Variants in DNAH7 observed in about 807,000 individuals in gnomAD.
DNAH7 encodes the protein dynein axonemal heavy chain 7.
A neutral mutation model predicts 444.6 loss-of-function variants in DNAH7; 397 were observed. That is an observed-to-expected ratio of 0.89 (90% CI 0.82 to 0.97). The LOEUF is 0.97. Ranked by LOEUF, DNAH7 falls within the 50% of genes least tolerant of loss-of-function variation. The pLI is 0.00. For synonymous variants in DNAH7, 1,636 were observed against 1,624.4 expected (o/e 1.01, Z -0.17); for missense variants, 4,902 against 4,800.8 (o/e 1.02, Z -0.62).
intron 63 of DNAH7, among the ~76,000 whole-genome samples, chr2:195,749,839 G>T (rs1420895902): frequency 8.3e-5 from 12 of 144,110 alleles, no homozygotes; most frequent in African/African-American, 2.8e-4. Context: ...TTGTGGGGAA[G>T]GGGGAGGGGG....
chr2:196,006,774 T>C (rs1469572358), intron 10 of DNAH7, among the ~76,000 whole-genome samples: 4 of 151,998 alleles, frequency 2.6e-5, no homozygotes, highest in Non-Finnish European at 5.9e-5. Context: ...AAGATGAAAT[T>C]GAGAAGACCA....
intron 19 of DNAH7, among the ~76,000 whole-genome samples, chr2:195,942,820 C>G (rs920301671): frequency 4.6e-5 from 7 of 151,954 alleles, no homozygotes; most frequent in African/African-American, 1.4e-4. Context: ...AAATCATATC[C>G]CTGGAGTGGA....
At position 195,861,964 on chromosome 2, in the gene DNAH7, G is replaced by A. The variant is rs1431424746; in HGVS notation, c.7507-18C>T. On this transcript the variant is annotated intron_variant, in intron 41 of 64. Transcript: ENST00000312428. Reference sequence around the variant, plus strand: ...GGCCATGACTAAATGTAAGATAAATGCTTTAGCATTTTATTAAGATTACGA... The same window carrying A: ...GGCCATGACTAAATGTAAGATAAATACTTTAGCATTTTATTAAGATTACGA... The A allele has an allele frequency of 9.5e-6, 15 of 1,579,774 alleles. No homozygotes were observed. The highest frequency in any genetic ancestry group is 1.7e-5 in the Admixed American group (1 of 59,608).
intron 54 of DNAH7, 54 bp downstream of exon 54, chr2:195,806,686 T>C: frequency 4.0e-6 from 6 of 1,481,578 alleles, no homozygotes; most frequent in Non-Finnish European, 4.7e-6. Flanking sequence ...TTGGATGGAC[T>C]GAGCAGGCAT....
intron 9 of DNAH7, among the ~76,000 whole-genome samples, chr2:196,014,718 A>ATC (rs1292732681): frequency 6.6e-6 from 1 of 152,058 alleles, no homozygotes; most frequent in Non-Finnish European, 1.5e-5. Context: ...CAGAAATTCC[A>ATC]CTCGAAGTAT....
intron 19 of DNAH7, among the ~76,000 whole-genome samples, chr2:195,941,451 CAA>C (rs1207029040): frequency 2.5e-4 from 14 of 56,738 alleles, no homozygotes; most frequent in Admixed American, 6.0e-4. Context: ...ACCTAGATGA[CAA>C]AAAAAAAAAA....
In DNAH7 at chr2:195,853,396, T is replaced by C; in HGVS notation, c.8728A>G (p.Ile2910Val). Reference protein sequence around the residue: ...LYINLTGDILISSGVVAYLGA... With the variant: ...LYINLTGDILVSSGVVAYLGA... ...AGGTAAGCAACCACTCCGGAGGAAATGAGGATATCCCCAGTCAAGTTGATG... is the reference window on the plus strand; with the variant it reads ...AGGTAAGCAACCACTCCGGAGGAAACGAGGATATCCCCAGTCAAGTTGATG... Residue 2910 changes from isoleucine (I) to valine (V), a missense_variant, in exon 46 of 65, where the codon ATT becomes GTT. Coordinates refer to ENST00000312428, the MANE Select transcript of DNAH7 (RefSeq NM_018897.3). 1 of 1,614,064 alleles carries C rather than the reference T, an allele frequency of 6.2e-7. No individual in the cohort carries two copies. The highest frequency in any genetic ancestry group is 8.5e-7 in the Non-Finnish European group (1 of 1,179,984).
chr2:195,803,725 AACATAT>A lies in DNAH7; in HGVS notation c.10176+3009_10176+3014del, dbSNP rs536907545. Reference sequence around the variant, plus strand: ...TACTGGATTTATCTGAGGCCAGAGAAACATATTAACTTATATTTGACAAGTTTCTTA... The same window carrying A: ...TACTGGATTTATCTGAGGCCAGAGAATAACTTATATTTGACAAGTTTCTTA... On this transcript the variant is annotated intron_variant, in intron 54 of 64. Coordinates refer to ENST00000312428, the MANE Select transcript of DNAH7 (RefSeq NM_018897.3). Among the ~76,000 whole-genome samples the A allele has an allele frequency of 4.6e-5, 7 of 152,332 alleles. No homozygotes were observed. The East Asian group carries it at 1.3e-3, about 29-fold the overall frequency.
chr2:195,769,480 A>G (rs1321296450), intron 61 of DNAH7, among the ~76,000 whole-genome samples: 2 of 152,082 alleles, frequency 1.3e-5, no homozygotes, highest in Non-Finnish European at 2.9e-5. Flanking sequence ...CCTTAGGTCA[A>G]AACAACCTTG....
intron 57 of DNAH7, among the ~76,000 whole-genome samples, chr2:195,789,297 C>T (rs749511136): frequency 2.6e-5 from 4 of 151,566 alleles, no homozygotes; most frequent in Admixed American, 6.6e-5. Flanking sequence ...CTTAATGTAC[C>T]ATTGAGGGGA....
chr2:195,815,216 C>T (rs987729610), intron 51 of DNAH7, among the ~76,000 whole-genome samples: 3 of 151,918 alleles, frequency 2.0e-5, no homozygotes, highest in Admixed American at 6.6e-5. Flanking sequence ...TTGAAAATTT[C>T]AGAACTGGAA....
intron 46 of DNAH7, among the ~76,000 whole-genome samples, chr2:195,848,410 C>T (rs1481029314): frequency 6.6e-6 from 1 of 152,204 alleles, no homozygotes; most frequent in African/African-American, 2.4e-5. Flanking sequence ...TCAGATGGCA[C>T]ACAATTTCAT....
intron 25 of DNAH7, 120 bp downstream of exon 25, chr2:195,909,907 C>A: frequency 9.5e-7 from 1 of 1,051,480 alleles, no homozygotes; most frequent in South Asian, 1.8e-5. Context: ...GATAGTGCTT[C>A]AATTTTTACT....
At chr2:195,749,095 G>A (rs1303466521) in intron 63 of DNAH7, among the ~76,000 whole-genome samples, 2 of 151,766 alleles carry the variant, frequency 1.3e-5, no homozygotes, top group African/African-American at 4.8e-5. Flanking sequence ...ATCTGACAAA[G>A]GGCTAATATC....
At chr2:196,043,993 T>C (rs1036102436) in intron 5 of DNAH7, among the ~76,000 whole-genome samples, 5 of 152,214 alleles carry the variant, frequency 3.3e-5, no homozygotes, top group Non-Finnish European at 4.4e-5. Flanking sequence ...GAAAACAGTA[T>C]GGAGATTCCT....
chr2:195,889,040 A>G (rs929178022), intron 31 of DNAH7, 59 bp from the exon 32 acceptor site: 43 of 1,452,378 alleles, frequency 3.0e-5, no homozygotes, highest in Non-Finnish European at 4.0e-5. Context: ...ATAAAGAAAC[A>G]GTTCAATAAT....
At chr2:196,052,444 T>G (rs992613834) in intron 2 of DNAH7, among the ~76,000 whole-genome samples, 7 of 152,242 alleles carry the variant, frequency 4.6e-5, no homozygotes, top group African/African-American at 7.2e-5. Context: ...GTTGAAGACT[T>G]AGTACAAAAC....
intron 5 of DNAH7, among the ~76,000 whole-genome samples, chr2:196,036,954 C>T (rs184485904): frequency 6.6e-6 from 1 of 152,194 alleles, no homozygotes; most frequent in East Asian, 1.9e-4. Flanking sequence ...CCAGCACCCA[C>T]ACACCCCTCC....
chr2:196,015,504 A>G (rs1188978534), intron 9 of DNAH7, among the ~76,000 whole-genome samples: 2 of 152,164 alleles, frequency 1.3e-5, no homozygotes, highest in Admixed American at 6.5e-5. Context: ...TAATTTCTAC[A>G]TTCTCTTGTG....
Sources: gnomAD v4.1 joint callset for allele counts (sites outside exome capture counted in the v4.1 genomes callset) on GRCh38, gnomAD v4.1.1 for gene constraint, MANE v1.5 for transcripts, NCBI Gene and HGNC (gene_info 2026-07-23, HGNC 2026-07-21) for gene names.